LHFPL4: variants seen among roughly 807,000 people sequenced by gnomAD.
The protein encoded by LHFPL4 is LHFPL tetraspan subfamily member 4, also known as LHFPL tetraspan subfamily member 4 protein.
In LHFPL4, 6 loss-of-function variants were observed where a neutral mutation model predicts 20.0. The ratio of observed to expected loss-of-function variants is 0.30; its 90% CI spans 0.16 to 0.59. LHFPL4 has a LOEUF of 0.59. LHFPL4 is among the 20% of genes least tolerant of loss of function. The pLI, the probability that LHFPL4 is intolerant of heterozygous loss-of-function variation, is 0.88. For missense variants in LHFPL4, 215 were observed against 331.2 expected, an observed-to-expected ratio of 0.65 and a Z score of 2.72; for synonymous variants, 129 against 143.8, an observed-to-expected ratio of 0.90 and a Z score of 0.74.
chr3:9,544,962 G>T (rs2046502289), intron 2 of LHFPL4, among the ~76,000 whole-genome samples: 2 of 152,120 alleles, frequency 1.3e-5, no homozygotes, highest in Admixed American at 1.3e-4. Flanking sequence ...ATATTGTGAT[G>T]ATCTGTTTTT....
chr3:9,544,806 T>C (rs1313166085), intron 2 of LHFPL4, among the ~76,000 whole-genome samples: 1 of 152,136 alleles, frequency 6.6e-6, no homozygotes, highest in Non-Finnish European at 1.5e-5. Flanking sequence ...GATCATCCTG[T>C]TCCTCTTTCC....
intron 2 of LHFPL4, among the ~76,000 whole-genome samples, chr3:9,534,383 C>T (rs1204173710): frequency 1.3e-5 from 2 of 152,108 alleles, no homozygotes; most frequent in Non-Finnish European, 2.9e-5. Context: ...TCCTTATGTG[C>T]TGGTGTGGAA....
intron 2 of LHFPL4, among the ~76,000 whole-genome samples, chr3:9,540,412 T>C (rs1410374023): frequency 1.3e-5 from 2 of 152,326 alleles, no homozygotes; most frequent in East Asian, 1.9e-4. Context: ...CTAATTCTCC[T>C]CTTCTAGAAT....
chr3:9,539,984 T>A (rs543127188), intron 2 of LHFPL4, among the ~76,000 whole-genome samples: 65 of 152,330 alleles, frequency 4.3e-4, no homozygotes, highest in African/African-American at 1.5e-3. Context: ...GAACAGGTAC[T>A]ATCATACATC....
intron 2 of LHFPL4, among the ~76,000 whole-genome samples, chr3:9,527,276 A>C (rs1238115729): frequency 6.6e-6 from 1 of 152,174 alleles, no homozygotes; most frequent in Non-Finnish European, 1.5e-5. Flanking sequence ...GAAATTTAAA[A>C]ACATAATTTT....
chr3:9,535,430 C>T (rs1368690332), intron 2 of LHFPL4, among the ~76,000 whole-genome samples: 1 of 152,110 alleles, frequency 6.6e-6, no homozygotes, highest in African/African-American at 2.4e-5. Flanking sequence ...ACCCAGACAG[C>T]CTGCTTCTAA....
chr3:9,532,248 C>T (rs150005352), intron 2 of LHFPL4, among the ~76,000 whole-genome samples: 13,862 of 152,128 alleles, frequency 0.091, 844 homozygotes, highest in Non-Finnish European at 0.14. Flanking sequence ...AGGCTGGTCT[C>T]GAACTCCTGA....
intron 2 of LHFPL4, among the ~76,000 whole-genome samples, chr3:9,514,056 C>A (rs74640433): frequency 1.1e-3 from 164 of 152,226 alleles, no homozygotes; most frequent in African/African-American, 3.8e-3. Flanking sequence ...ATATAACTTA[C>A]GGTGGTATCT....
chr3:9,526,517 T>C (rs563390452), intron 2 of LHFPL4, among the ~76,000 whole-genome samples: 1 of 152,332 alleles, frequency 6.6e-6, no homozygotes, highest in African/African-American at 2.4e-5. Flanking sequence ...ACATCCCTCA[T>C]ATCATCTCCC....
rs552152927 is a variant in LHFPL4, at chr3:9,511,459, G to C, written c.407-5256C>G. Among the ~76,000 whole-genome samples, 5 of 152,238 alleles carry C rather than the reference G, an allele frequency of 3.3e-5. No homozygotes were observed. In the East Asian group the frequency reaches 9.6e-4, roughly 29 times the overall value. ...TGTCTTATCCAATGTCACATAGCTT[G>C]TAAGTGGGGGAATCTGTATTCAAGC... On this transcript the variant is annotated intron_variant, in intron 2 of 3. Transcript: ENST00000287585.
chr3:9,510,353 G>A (rs1438716335), intron 2 of LHFPL4, among the ~76,000 whole-genome samples: 5 of 150,842 alleles, frequency 3.3e-5, no homozygotes, highest in African/African-American at 1.2e-4. Flanking sequence ...TGGGAGGATC[G>A]CTTGAGCCGG....
chr3:9,525,858 G>A (rs1399354269), intron 2 of LHFPL4, among the ~76,000 whole-genome samples: 1 of 152,148 alleles, frequency 6.6e-6, no homozygotes, highest in African/African-American at 2.4e-5. Flanking sequence ...TATATGTTAT[G>A]AAACAGGCAC....
intron 2 of LHFPL4, among the ~76,000 whole-genome samples, chr3:9,550,438 C>G (rs2046546080): frequency 6.6e-6 from 1 of 152,180 alleles, no homozygotes; most frequent in Non-Finnish European, 1.5e-5. Context: ...TCTCTATACT[C>G]AGTTTCCTCT....
chr3:9,538,187 C>T (rs997088054), intron 2 of LHFPL4, among the ~76,000 whole-genome samples: 2 of 152,112 alleles, frequency 1.3e-5, no homozygotes, highest in African/African-American at 2.4e-5. Flanking sequence ...GCCTTCTTCC[C>T]GGGCTCCCTC....
chr3:9,536,947 G>A (rs1018037457), intron 2 of LHFPL4, among the ~76,000 whole-genome samples: 1 of 151,610 alleles, frequency 6.6e-6, no homozygotes, highest in African/African-American at 2.4e-5. Context: ...TCAGCCGGGT[G>A]TGGTAGTGCG....
At chr3:9,540,122 G>A (rs2046468278) in intron 2 of LHFPL4, among the ~76,000 whole-genome samples, 1 of 152,122 alleles carries the variant, frequency 6.6e-6, no homozygotes, top group South Asian at 2.1e-4. Flanking sequence ...ACTTACATAT[G>A]TATTAGATTA....
At chr3:9,517,572 C>A (rs956881012) in intron 2 of LHFPL4, among the ~76,000 whole-genome samples, 2 of 150,898 alleles carry the variant, frequency 1.3e-5, no homozygotes, top group Admixed American at 1.3e-4. Flanking sequence ...GGTGTGGTGG[C>A]ATGTTCCCAG....
intron 2 of LHFPL4, 109 bp downstream of exon 2, chr3:9,552,165 T>C: frequency 7.0e-7 from 1 of 1,434,170 alleles, no homozygotes; most frequent in Non-Finnish European, 9.4e-7. Context: ...GGTGAGTGTC[T>C]TAACACAGAG....
intron 2 of LHFPL4, among the ~76,000 whole-genome samples, chr3:9,550,377 G>A (rs2046545623): frequency 6.6e-6 from 1 of 152,222 alleles, no homozygotes; most frequent in Admixed American, 6.5e-5. Flanking sequence ...CCCGGCTGTA[G>A]AACTAGCTTC....
Sources: gnomAD v4.1 joint callset for allele counts (sites outside exome capture counted in the v4.1 genomes callset) on GRCh38, gnomAD v4.1.1 for gene constraint, MANE v1.5 for transcripts, NCBI Gene and HGNC (gene_info 2026-07-23, HGNC 2026-07-21) for gene names.